NUTM2A: variants seen among roughly 807,000 people sequenced by gnomAD.
NUTM2A encodes the protein family with sequence similarity 22, member A.
In NUTM2A, 3 loss-of-function variants were observed where a neutral mutation model predicts 24.4. The ratio of observed to expected loss-of-function variants is 0.12; its 90% CI spans 0.06 to 0.32. The LOEUF is 0.32. NUTM2A is among the 10% of genes least tolerant of loss of function. The pLI, the probability that NUTM2A is intolerant of heterozygous loss-of-function variation, is 1.00. For missense variants in NUTM2A, 39 were observed against 631.1 expected (o/e 0.06, Z 10.05); for synonymous variants, 11 against 278.4 (o/e 0.04, Z 9.56).
intron 2 of NUTM2A, among the ~76,000 whole-genome samples, chr10:87,229,768 CTG>C (rs1201145119): frequency 6.7e-6 from 1 of 149,928 alleles, no homozygotes; most frequent in African/African-American, 2.5e-5. Flanking sequence ...ACTGTGGTGA[CTG>C]TGAGGCAGCA....
chr10:87,229,072 G>A (rs547104276), intron 2 of NUTM2A, 110 bp downstream of exon 2: 14 of 1,455,528 alleles, frequency 9.6e-6, no homozygotes, highest in Admixed American at 1.7e-5. Flanking sequence ...GGTTGTGAGG[G>A]TGATGGGCTG....
At chr10:87,229,704 G>A (rs1251015384) in intron 2 of NUTM2A, among the ~76,000 whole-genome samples, 3 of 151,884 alleles carry the variant, frequency 2.0e-5, no homozygotes, top group East Asian at 1.9e-4. Context: ...CCAAAGCCAC[G>A]GGCTCCAGTG....
At chr10:87,232,515 TCA>T in intron 4 of NUTM2A, 86 bp from the exon 5 acceptor site, 1 of 710,588 alleles carries the variant, frequency 1.4e-6, no homozygotes, top group Non-Finnish European at 2.3e-6. Context: ...GGGACCCACT[TCA>T]CATCCCCAAG....
Position 87,228,799 on chromosome 10 carries a change from GGA to G in NUTM2A, c.923_924del (p.Glu308GlyfsTer14). On this transcript the variant is annotated frameshift_variant, in exon 2 of 7. Coordinates refer to ENST00000381707, the MANE Select transcript of NUTM2A (RefSeq NM_001099338.2). LOFTEE classifies it high-confidence loss of function. The stretch of plus-strand genomic sequence containing the variant: ...TGGGCCATGGCCACAAGGGGCTCAC[GGA>G]GAGGGCAGCCTGGCTTCCTCCCAGG... Reference protein sequence around the residue: ...NAGPWPQGAHGEGSLASSQAK... With the variant: ...NAGPWPQGAHXEGSLASSQAK... 1 of 1,324,618 alleles carries G rather than the reference GGA, an allele frequency of 7.5e-7. No individual in the cohort carries two copies. The highest frequency in any genetic ancestry group is 1.2e-5 in the South Asian group (1 of 80,410). The allele number at this position is 1,324,618 out of a possible 1,614,324, so 82.1% of individuals were successfully genotyped here.
rs374801844 is a variant in NUTM2A, at chr10:87,232,848, G to A, written c.1597G>A (p.Gly533Arg). Residue 533 changes from glycine (G) to arginine (R), a missense_variant, in exon 5 of 7, where the codon GGG (glycine) becomes AGG (arginine). Transcript: ENST00000381707. ...GGAGGAGCTGCTGGGGCCTTCCCTC[G>A]GGGCCACGGGGGAGCCCGAGAAACA... ...IMEELLGPSL[G>R]ATGEPEKQRE... The A allele has an allele frequency of 4.1e-5, 62 of 1,517,754 alleles. 1 individual carries two copies. Among genetic ancestry groups the A allele is most frequent in the African/African-American group, 3.3e-4 (25 of 74,636 alleles). The allele number at this position is 1,517,754 out of a possible 1,614,324, so 94.0% of individuals were successfully genotyped here.
intron 2 of NUTM2A, among the ~76,000 whole-genome samples, chr10:87,229,477 G>A (rs1411618581): frequency 2.0e-5 from 3 of 152,230 alleles, no homozygotes; most frequent in Non-Finnish European, 4.4e-5. Context: ...CACTGGGGCC[G>A]ATGCCGAGCA....
At chr10:87,229,446 G>A (rs1478872420) in intron 2 of NUTM2A, among the ~76,000 whole-genome samples, 4 of 152,244 alleles carry the variant, frequency 2.6e-5, no homozygotes, top group African/African-American at 9.6e-5. Context: ...AGCCTGCACA[G>A]GGGGATGGTC....
chr10:87,228,869 A>G lies in NUTM2A; in HGVS notation c.989A>G (p.Tyr330Cys), dbSNP rs748414267. 25 of 1,164,606 alleles carry G rather than the reference A, an allele frequency of 2.1e-5. No individual in the cohort carries two copies. Among genetic ancestry groups the G allele is most frequent in the African/African-American group, 4.7e-5 (3 of 64,258 alleles). The allele number at this position is 1,164,606 out of a possible 1,614,324, so 72.1% of individuals were successfully genotyped here. ...GACTCCTGTAACCCCAGGAGTGTCTATGAGAACTTCCGACTCTGGCAGCAC... is the reference window on the plus strand; with the variant it reads ...GACTCCTGTAACCCCAGGAGTGTCTGTGAGAACTTCCGACTCTGGCAGCAC... ...PDDSCNPRSV[Y>C]ENFRLWQHYK... is the part of the protein sequence containing the mutation. The change falls in exon 2 of 7, where the codon TAT becomes TGT. Residue 330 changes from tyrosine (Y) to cysteine (C), a missense_variant. By Grantham distance (194) the Tyr-to-Cys change is radical (BLOSUM62 -2). Coordinates refer to ENST00000381707, the MANE Select transcript of NUTM2A (RefSeq NM_001099338.2).
chr10:87,229,292 A>G (rs1201866919), intron 2 of NUTM2A, among the ~76,000 whole-genome samples: 11 of 152,208 alleles, frequency 7.2e-5, no homozygotes, highest in Admixed American at 5.9e-4. Context: ...GTCTTTGAGT[A>G]CACGCCCCAG....
intron 2 of NUTM2A, among the ~76,000 whole-genome samples, chr10:87,229,359 G>A (rs1424497699): frequency 2.2e-4 from 34 of 152,184 alleles, no homozygotes; most frequent in African/African-American, 7.0e-4. Flanking sequence ...GGGCCGGGGG[G>A]AGGAGCTGCA....
At chr10:87,229,254 T>G (rs1362476281) in intron 2 of NUTM2A, among the ~76,000 whole-genome samples, 3 of 152,180 alleles carry the variant, frequency 2.0e-5, no homozygotes, top group African/African-American at 7.2e-5. Flanking sequence ...GGGTTCCTGG[T>G]GTGACGTGAG....
chr10:87,229,055 G>C (rs1205253880), intron 2 of NUTM2A, 93 bp downstream of exon 2: 2 of 1,210,638 alleles, frequency 1.7e-6, no homozygotes, highest in Non-Finnish European at 2.4e-6. Flanking sequence ...AGGGGAGCTT[G>C]CAGGGCGGTT....
At chr10:87,229,200 C>A (rs1243181999) in intron 2 of NUTM2A, among the ~76,000 whole-genome samples, 1 of 152,186 alleles carries the variant, frequency 6.6e-6, no homozygotes, top group Non-Finnish European at 1.5e-5. Context: ...TCCTTACTTT[C>A]AATAATTTTC....
chr10:87,230,641 G>A lies in NUTM2A; in HGVS notation c.1083-279G>A, dbSNP rs1208330075. On this transcript the variant is annotated intron_variant, in intron 2 of 6. Transcript: ENST00000381707. The stretch of plus-strand genomic sequence containing the variant: ...TGACACATTGGTGCTGAGGACTTCA[G>A]CACAGGAATGTTGGAGACACACATG... 5.1e-4 allele frequency among the ~76,000 whole-genome samples: 6 copies of A among 11,698 alleles called. 3 individuals are homozygous for A. The highest frequency in any genetic ancestry group is 7.4e-4 in the African/African-American group (6 of 8,098). The allele number at this position is 11,698 out of a possible 152,430, so 7.7% of individuals were successfully genotyped here. A position where few individuals can be genotyped will look rare whatever the true frequency, so the allele number is the denominator to read the frequency against.
At chr10:87,229,752 C>T (rs1849363138) in intron 2 of NUTM2A, among the ~76,000 whole-genome samples, 1 of 150,726 alleles carries the variant, frequency 6.6e-6, no homozygotes, top group Non-Finnish European at 1.5e-5. Flanking sequence ...CAGCCCAGGG[C>T]CATGGACTGT....
At chr10:87,229,530 CAAT>C (rs1291160226) in intron 2 of NUTM2A, among the ~76,000 whole-genome samples, 1 of 152,244 alleles carries the variant, frequency 6.6e-6, no homozygotes, top group Non-Finnish European at 1.5e-5. Flanking sequence ...GAAAAAGGGA[CAAT>C]GATGCTTCAT....
In NUTM2A at chr10:87,233,550, C is replaced by T. The variant is rs1849393948; in HGVS notation, c.1812C>T (p.Ser604=). 1 of 234,296 alleles carries T rather than the reference C, an allele frequency of 4.3e-6. No individual in the cohort carries two copies. Among genetic ancestry groups the T allele is most frequent in the Non-Finnish European group, 7.7e-6 (1 of 129,990 alleles). The allele number at this position is 234,296 out of a possible 1,614,324, so 14.5% of individuals were successfully genotyped here. Residue 604 remains serine, a synonymous_variant, in exon 6 of 7, where the codon AGC becomes AGT. Coordinates refer to ENST00000381707, the MANE Select transcript of NUTM2A (RefSeq NM_001099338.2). ...PDPQMDFLAL[S]QELEQEEGLT... Reference sequence around the variant, plus strand: ...CACAGATGGATTTCTTGGCCCTAAGCCAGGAGCTGGAGCAGGAGGAAGGAC... The same window carrying T: ...CACAGATGGATTTCTTGGCCCTAAGTCAGGAGCTGGAGCAGGAGGAAGGAC...
At position 87,234,653 on chromosome 10, in the gene NUTM2A, GA is replaced by G. The variant is rs1849408005; in HGVS notation, c.2585del (p.Lys862ArgfsTer21). 1 of 1,431,198 alleles carries G rather than the reference GA, an allele frequency of 7.0e-7. No individual in the cohort carries two copies. The allele number at this position is 1,431,198 out of a possible 1,614,324, so 88.7% of individuals were successfully genotyped here. ...GGTGGCCCCTCACAGTCTCAAAAGA[GA>G]AAGGGTGACCCCTTGGTCTCCAGGA... The part of the protein sequence containing the change: ...GLGGPSQSQK[R>X]KGDPLVSRKE... On this transcript the variant is annotated frameshift_variant, in exon 7 of 7. Transcript: ENST00000381707. LOFTEE classifies it low-confidence loss of function (END_TRUNC).
intron 2 of NUTM2A, among the ~76,000 whole-genome samples, chr10:87,229,564 A>G (rs1246091384): frequency 6.6e-6 from 1 of 152,232 alleles, no homozygotes; most frequent in Non-Finnish European, 1.5e-5. Flanking sequence ...GTGAAGAGAT[A>G]ACTTGAGCTC....
Sources: allele counts gnomAD v4.1 joint callset (sites outside exome capture counted in the v4.1 genomes callset), GRCh38; gene constraint gnomAD v4.1.1; transcripts MANE v1.5; gene names NCBI Gene and HGNC (gene_info 2026-07-23, HGNC 2026-07-21).